AQR: variants seen among roughly 807,000 people sequenced by gnomAD.
AQR encodes RNA helicase aquarius.
A neutral mutation model predicts 180.5 loss-of-function variants in AQR; 61 were observed. The observed-to-expected ratio is 0.34, with a 90% CI of 0.28 to 0.42. The LOEUF (loss-of-function observed/expected upper bound fraction) is 0.42, where lower values mean the gene tolerates loss of function less well. Among genes scored for constraint, AQR ranks in the 10% least tolerant of loss-of-function variants. The probability of loss-of-function intolerance (pLI) is 1.00; values close to 1 mark genes in which losing one functional copy is unlikely to be tolerated. For missense variants in AQR, 1,281 were observed against 1,798.3 expected, an observed-to-expected ratio of 0.71 and a Z score of 5.20; for synonymous variants, 551 against 588.8, an observed-to-expected ratio of 0.94 and a Z score of 0.93.
chr15:34,885,281 T>C (rs1245326301), intron 25 of AQR, among the ~76,000 whole-genome samples: 1 of 152,226 alleles, frequency 6.6e-6, no homozygotes, highest in Non-Finnish European at 1.5e-5. Flanking sequence ...TATAGTTCAA[T>C]TACTTTGTAT....
rs372961415 is a variant in AQR at position 34,934,660 on chromosome 15, T to C, written c.719-25A>G. ...TCTAGACATAAGAGAGAACGCATGA[T>C]AGAATTTCCTTACTAGGCCATTTTG... On this transcript the variant is annotated intron_variant, in intron 9 of 34. Transcript: ENST00000156471. 88 of 1,485,282 alleles carry C rather than the reference T, an allele frequency of 5.9e-5. No individual in the cohort carries two copies. In the African/African-American group the frequency reaches 1.1e-3, roughly 19 times the overall value. 92.0% of individuals were successfully genotyped at this position (1,485,282 alleles called of 1,614,324 possible).
intron 26 of AQR, among the ~76,000 whole-genome samples, chr15:34,882,856 G>A (rs917809155): frequency 2.6e-5 from 4 of 151,960 alleles, no homozygotes; most frequent in South Asian, 4.2e-4. Flanking sequence ...TGTATGTAAC[G>A]TAAAATATGT....
chr15:34,894,581 A>C (rs1893201558), intron 22 of AQR, among the ~76,000 whole-genome samples: 1 of 152,194 alleles, frequency 6.6e-6, no homozygotes, highest in Non-Finnish European at 1.5e-5. Flanking sequence ...AATAAATGGC[A>C]AATATAATAA....
chr15:34,870,723 A>G (rs1314923353), intron 31 of AQR, 29 bp downstream of exon 31: 5 of 1,583,356 alleles, frequency 3.2e-6, no homozygotes, highest in Non-Finnish European at 8.6e-7. Flanking sequence ...AATGATGAAT[A>G]AGAGAACATA....
At position 34,882,584 on chromosome 15, in the gene AQR, A is replaced by G; in HGVS notation, c.3083T>C (p.Leu1028Ser). ...RSGLDRSKYL[L>S]VKEAKIIAMT... The stretch of plus-strand genomic sequence containing the variant: ...AGCAATAATTTTGGCTTCTTTCACT[A>G]AAAGGTATTTAGATCTGTCCAGTCC... Residue 1028 changes from leucine (L) to serine (S), a missense_variant, in exon 27 of 35, where the codon TTA (leucine) becomes TCA (serine). This residue lies in a region of AQR where 125 missense variants were observed against 185.0 expected (regional missense o/e 0.68). Transcript: ENST00000156471. 1 of 1,613,256 alleles carries G rather than the reference A, an allele frequency of 6.2e-7. No individual in the cohort carries two copies. Among genetic ancestry groups the G allele is most frequent in the Non-Finnish European group, 8.5e-7 (1 of 1,179,650 alleles).
At chr15:34,964,469 C>T (rs768866224) in intron 1 of AQR, 179 bp from the exon 2 acceptor site, 1 of 693,958 alleles carries the variant, frequency 1.4e-6, no homozygotes, top group Non-Finnish European at 2.7e-6. Context: ...CCCCAAACCA[C>T]TAAATGCCAG....
In AQR at chr15:34,853,663, T is replaced by C. The variant is rs1412600453; in HGVS notation, c.*3129A>G. ...CAAGTCAAAGGATTAGTTGGCAATA[T>C]CCTACATTGTCAACAAAGCTTTGAA... On this transcript the variant is annotated 3_prime_UTR_variant, in exon 35 of 35. Coordinates refer to ENST00000156471, the MANE Select transcript of AQR (RefSeq NM_014691.3). 2 of 152,154 alleles carry C rather than the reference T, an allele frequency of 1.3e-5. No individual in the cohort carries two copies. Among genetic ancestry groups the C allele is most frequent in the Non-Finnish European group, 2.9e-5 (2 of 68,030 alleles). The allele number at this position is 152,154 out of a possible 1,614,324, so 9.4% of individuals were successfully genotyped here. A position where few individuals can be genotyped will look rare whatever the true frequency, so the allele number is the denominator to read the frequency against.
At chr15:34,951,540 G>A (rs935284434) in intron 4 of AQR, among the ~76,000 whole-genome samples, 4 of 151,882 alleles carry the variant, frequency 2.6e-5, no homozygotes, top group East Asian at 3.9e-4. Context: ...GCGTGATGGC[G>A]CACACCTGTA....
In AQR at chr15:34,882,553, G is replaced by A. The variant is rs2140467304; in HGVS notation, c.3114C>T (p.Thr1038=). ...LVKEAKIIAM[T]CTHAALKRHD... is the part of the protein sequence containing the mutation. The stretch of plus-strand genomic sequence containing the variant: ...GTCGTTTTAAGGCAGCATGAGTACA[G>A]GTCATAGCAATAATTTTGGCTTCTT... The change falls in exon 27 of 35, where the codon ACC becomes ACT. Residue 1038 remains threonine (T), a synonymous_variant. Coordinates refer to ENST00000156471, the MANE Select transcript of AQR (RefSeq NM_014691.3). 6.2e-7 allele frequency: 1 copy of A among 1,611,828 alleles called. No homozygotes were observed. The highest frequency in any genetic ancestry group is 1.1e-5 in the South Asian group (1 of 90,870).
At chr15:34,945,283 A>ATT (rs1894092856) in intron 5 of AQR, among the ~76,000 whole-genome samples, 1 of 152,186 alleles carries the variant, frequency 6.6e-6, no homozygotes, top group African/African-American at 2.4e-5. Context: ...TCAATTCAAC[A>ATT]GTTTTGTATC....
chr15:34,862,903 A>C lies in AQR; in HGVS notation c.3993T>G (p.His1331Gln), dbSNP rs1275788726. 6.2e-7 allele frequency: 1 copy of C among 1,613,854 alleles called. No individual in the cohort carries two copies. Among genetic ancestry groups the C allele is most frequent in the Admixed American group, 1.7e-5 (1 of 59,982 alleles). Residue 1331 changes from histidine (H) to glutamine (Q), a missense_variant, in exon 33 of 35, where the codon CAT becomes CAG. By Grantham distance (24) the His-to-Gln change is conservative. Coordinates refer to ENST00000156471, the MANE Select transcript of AQR (RefSeq NM_014691.3). Reference sequence around the variant, plus strand: ...TTGGGAAAGGTTCTGTTGGAATTATATGCAAATGAAGGGGGCGAGCTGTGA... The same window carrying C: ...TTGGGAAAGGTTCTGTTGGAATTATCTGCAAATGAAGGGGGCGAGCTGTGA... ...SQLTARPLHL[H>Q]IIPTEPFPTT...
At chr15:34,890,106 C>T in intron 24 of AQR, 109 bp downstream of exon 24, 2 of 933,114 alleles carry the variant, frequency 2.1e-6, no homozygotes, top group Non-Finnish European at 3.2e-6. Context: ...AAGTTAGAAC[C>T]TTTCAGAATT....
At chr15:34,919,879 CAG>C (rs905887173) in intron 14 of AQR, among the ~76,000 whole-genome samples, 1 of 151,694 alleles carries the variant, frequency 6.6e-6, no homozygotes, top group Non-Finnish European at 1.5e-5. Context: ...GCCTGGGCGA[CAG>C]AGAGAGACTC....
chr15:34,865,755 G>A lies in AQR; in HGVS notation c.3854+1769C>T, dbSNP rs569364929. On this transcript the variant is annotated intron_variant, in intron 32 of 34. Transcript: ENST00000156471. ...AAAGGAATGAAGTACTGATACATTCGACAACAATGAACCTTGAACATATGT... is the reference window on the plus strand; with the variant it reads ...AAAGGAATGAAGTACTGATACATTCAACAACAATGAACCTTGAACATATGT... Among the ~76,000 whole-genome samples the A allele has an allele frequency of 1.8e-4, 27 of 152,260 alleles. No individual in the cohort carries two copies. In the East Asian group the frequency reaches 3.3e-3, roughly 18 times the overall value.
intron 31 of AQR, chr15:34,869,416 G>T (rs557690065): frequency 3.3e-5 from 5 of 152,200 alleles, no homozygotes; most frequent in Admixed American, 1.3e-4. Flanking sequence ...GTCCTTTGTT[G>T]TTATGTGTGG....
Position 34,941,084 on chromosome 15 carries a change from AAT to A in AQR, c.541-87_541-86del, listed in dbSNP as rs1566993818. 13 of 884,304 alleles carry A rather than the reference AAT, an allele frequency of 1.5e-5. 1 individual carries two copies. The highest frequency in any genetic ancestry group is 2.1e-5 in the Non-Finnish European group (12 of 570,848). The allele number at this position is 884,304 out of a possible 1,614,324, so 54.8% of individuals were successfully genotyped here. On this transcript the variant is annotated intron_variant, in intron 7 of 34. Coordinates refer to ENST00000156471, the MANE Select transcript of AQR (RefSeq NM_014691.3). Reference sequence around the variant, plus strand: ...TAGATCAACTATTTGCTAGTTTTCTAATATATGAGTACAAAATAGAGCAATCT... The same window carrying A: ...TAGATCAACTATTTGCTAGTTTTCTAATATGAGTACAAAATAGAGCAATCT...
At chr15:34,904,609 C>T in intron 18 of AQR, 104 bp from the exon 19 acceptor site, 1 of 1,091,282 alleles carries the variant, frequency 9.2e-7, no homozygotes, top group East Asian at 2.8e-5. Flanking sequence ...ATGGTTCAGG[C>T]TTAACTCCAA....
chr15:34,947,752 G>A (rs1279812343), intron 5 of AQR, among the ~76,000 whole-genome samples: 1 of 151,810 alleles, frequency 6.6e-6, no homozygotes, highest in African/African-American at 2.4e-5. Context: ...TGGTCCTCTT[G>A]CATCAATCTC....
Position 34,856,551 on chromosome 15 carries a change from C to T in AQR, c.*241G>A, listed in dbSNP as rs1892587947. 4.6e-6 allele frequency: 2 copies of T among 436,842 alleles called. No homozygotes were observed. The highest frequency in any genetic ancestry group is 8.1e-6 in the Non-Finnish European group (2 of 248,394). The allele number at this position is 436,842 out of a possible 1,614,324, so 27.1% of individuals were successfully genotyped here. A position where few individuals can be genotyped will look rare whatever the true frequency, so the allele number is the denominator to read the frequency against. ...TAATGTAGGTATGATTACAGACACA[C>T]TCAGTGATCAAAACATGAAAGGAAT... On this transcript the variant is annotated 3_prime_UTR_variant, in exon 35 of 35. Coordinates refer to ENST00000156471, the MANE Select transcript of AQR (RefSeq NM_014691.3).
Sources: gnomAD v4.1 joint callset for allele counts (sites outside exome capture counted in the v4.1 genomes callset) on GRCh38, gnomAD v4.1.1 for gene constraint, gnomAD v4.1.1 regional missense constraint, MANE v1.5 for transcripts, NCBI Gene and HGNC (gene_info 2026-07-23, HGNC 2026-07-21) for gene names.